LAMC2: variants seen among roughly 807,000 people sequenced by gnomAD.
LAMC2 encodes the protein laminin subunit gamma-2.
Under a neutral mutation model 140.2 loss-of-function variants are expected in LAMC2, and 97 were observed. That is an observed-to-expected ratio of 0.69 (90% CI 0.59 to 0.82). The LOEUF is 0.82. Among genes scored for constraint, LAMC2 ranks in the 40% least tolerant of loss-of-function variants. LAMC2 has a pLI of 0.00. For missense variants in LAMC2, 1,402 were observed against 1,476.1 expected, an observed-to-expected ratio of 0.95 and a Z score of 0.82; for synonymous variants, 513 against 540.2, an observed-to-expected ratio of 0.95 and a Z score of 0.70.
At chr1:183,193,550 T>C (rs746618629) in intron 1 of LAMC2, among the ~76,000 whole-genome samples, 1 of 152,224 alleles carries the variant, frequency 6.6e-6, no homozygotes, top group Non-Finnish European at 1.5e-5. Context: ...ATTTTGCTCT[T>C]GGTAAAAGGA....
chr1:183,216,609 C>CGAA (rs1659265837), intron 3 of LAMC2, among the ~76,000 whole-genome samples: 1 of 152,144 alleles, frequency 6.6e-6, no homozygotes, highest in African/African-American at 2.4e-5. Context: ...CTGCCTTCCC[C>CGAA]GAAGCCGTGC....
In LAMC2 at chr1:183,240,373, G is replaced by A. The variant is rs199948334; in HGVS notation, c.3310G>A (p.Gly1104Ser). The change falls in exon 22 of 23, where the codon GGC (glycine) becomes AGC (serine). Residue 1104 changes from glycine (G) to serine (S), a missense_variant. Physicochemically the swap from Gly to Ser is moderately conservative, Grantham distance 56. Around this residue, in one of 3 missense-constraint regions of LAMC2, gnomAD observed 670 missense variants for 667.2 expected, o/e 1.00. Transcript: ENST00000264144. ...CCAAGACACACTCAACACATTAGAC[G>A]GCCTCCTGCATCTGATGGGTATGTG... ...TIQDTLNTLD[G>S]LLHLMDQPLS... The A allele has an allele frequency of 4.3e-5, 70 of 1,614,032 alleles. No individual in the cohort carries two copies. Among genetic ancestry groups the A allele is most frequent in the Admixed American group, 6.7e-5 (4 of 59,982 alleles).
chr1:183,257,603 T>A, the LAMC2 span, among the ~76,000 whole-genome samples: 8 of 152,228 alleles, frequency 5.3e-5, no homozygotes, highest in Non-Finnish European at 1.2e-4. Context: ...CTTGCCAGAT[T>A]ATCTTTTTAA....
intron 1 of LAMC2, among the ~76,000 whole-genome samples, chr1:183,194,461 CA>C (rs931550935): frequency 1.6e-4 from 24 of 151,138 alleles, no homozygotes; most frequent in African/African-American, 5.6e-4. Context: ...TCTCCTTGTA[CA>C]AAAAAAGTAT....
chr1:183,207,837 T>TTTTG, intron 1 of LAMC2, 44 bp from the exon 2 acceptor site: 3 of 1,247,010 alleles, frequency 2.4e-6, no homozygotes, highest in African/African-American at 1.5e-5. Flanking sequence ...CCTGAGGTGT[T>TTTTG]TTTTTTTTTT....
At chr1:183,234,346 C>A (rs1440928476) in intron 14 of LAMC2, 21 bp from the exon 15 acceptor site, 1 of 1,602,968 alleles carries the variant, frequency 6.2e-7, no homozygotes, top group Non-Finnish European at 8.5e-7. Context: ...TTCGCCTTAA[C>A]CGATTCTCCT....
At chr1:183,237,937 A>C (rs1021001001) in intron 18 of LAMC2, among the ~76,000 whole-genome samples, 2 of 152,156 alleles carry the variant, frequency 1.3e-5, no homozygotes, top group African/African-American at 4.8e-5. Flanking sequence ...ACAGTTGCAG[A>C]GATCTTGGTG....
chr1:183,237,482 A>G lies in LAMC2; in HGVS notation c.2732A>G (p.Gln911Arg), dbSNP rs754473540. The G allele has an allele frequency of 1.9e-6, 3 of 1,614,064 alleles. No individual in the cohort carries two copies. The highest frequency in any genetic ancestry group is 3.3e-5 in the Admixed American group (2 of 60,004). Residue 911 changes from glutamine (Q) to arginine (R), a missense_variant, in exon 18 of 23, where the codon CAG becomes CGG. Physicochemically the swap from Gln to Arg is conservative, Grantham distance 43. Around this residue, in one of 3 missense-constraint regions of LAMC2, gnomAD observed 670 missense variants for 667.2 expected, o/e 1.00. Coordinates refer to ENST00000264144, the MANE Select transcript of LAMC2 (RefSeq NM_005562.3). ...AAAGAAGAAGCACAGCAGCTCTTAC[A>G]GAATGGAAAAAGTGGGAGAGAGGTA... is the stretch of plus-strand genomic sequence containing the variant. The part of the protein sequence containing the change: ...NWKEEAQQLL[Q>R]NGKSGREKSD...
In LAMC2 at chr1:183,232,184, C is replaced by T; in HGVS notation, c.1858-3C>T. 2 of 1,613,628 alleles carry T rather than the reference C, an allele frequency of 1.2e-6. No individual in the cohort carries two copies. The highest frequency in any genetic ancestry group is 1.7e-5 in the Admixed American group (1 of 60,026). On this transcript the variant is annotated splice_region_variant and splice_polypyrimidine_tract_variant and intron_variant, in intron 12 of 22. Transcript: ENST00000264144. Reference sequence around the variant, plus strand: ...CGTTCTGATCTTTCCTGTGTGGTTTCAGATGGATCAGTTTATGCAGCAGCT... The same window carrying T: ...CGTTCTGATCTTTCCTGTGTGGTTTTAGATGGATCAGTTTATGCAGCAGCT...
chr1:183,225,223 T>C (rs1212233666), intron 7 of LAMC2, among the ~76,000 whole-genome samples: 1 of 152,002 alleles, frequency 6.6e-6, no homozygotes, highest in Non-Finnish European at 1.5e-5. Flanking sequence ...AAATAAATGA[T>C]TTTTTTTAAA....
the LAMC2 span, among the ~76,000 whole-genome samples, chr1:183,255,113 C>T: frequency 6.6e-6 from 1 of 152,180 alleles, no homozygotes; most frequent in Non-Finnish European, 1.5e-5. Flanking sequence ...AGATAAGGTC[C>T]AATTTCATTC....
chr1:183,186,999 A>G (rs917973225), intron 1 of LAMC2, among the ~76,000 whole-genome samples: 1 of 152,174 alleles, frequency 6.6e-6, no homozygotes, highest in African/African-American at 2.4e-5. Flanking sequence ...GTCATATATC[A>G]TTTGATCTTA....
chr1:183,198,936 C>T (rs1302050177), intron 1 of LAMC2, among the ~76,000 whole-genome samples: 1 of 152,112 alleles, frequency 6.6e-6, no homozygotes, highest in Non-Finnish European at 1.5e-5. Flanking sequence ...TCTTTCTGTT[C>T]CCATCTCACC....
intron 4 of LAMC2, among the ~76,000 whole-genome samples, chr1:183,219,976 T>A (rs992943694): frequency 1.3e-4 from 20 of 152,216 alleles, no homozygotes; most frequent in Non-Finnish European, 1.9e-4. Flanking sequence ...CAATTCCTCA[T>A]AGGGTTGGAG....
chr1:183,205,802 G>GGT (rs3064949), intron 1 of LAMC2, among the ~76,000 whole-genome samples: 44,633 of 150,712 alleles, frequency 0.3, 7,805 homozygotes, highest in East Asian at 0.4. Context: ...AGAGAGTAGG[G>GGT]GTGTGTGTGT....
rs1659440173 is a variant in LAMC2, at chr1:183,220,719, T to C, written c.504-106T>C. ...GGTATTTCCCTCCTCTGAAAATTAA[T>C]AGGGCCAAATGGAAGAGAAGGTAGA... On this transcript the variant is annotated intron_variant, in intron 4 of 22. Coordinates refer to ENST00000264144, the MANE Select transcript of LAMC2 (RefSeq NM_005562.3). 9 of 1,194,954 alleles carry C rather than the reference T, an allele frequency of 7.5e-6. No homozygotes were observed. In the Admixed American group the frequency reaches 8.0e-5, roughly 11 times the overall value. 74.0% of individuals were successfully genotyped at this position (1,194,954 alleles called of 1,614,324 possible). A position where few individuals can be genotyped will look rare whatever the true frequency, so the allele number is the denominator to read the frequency against.
the LAMC2 span, chr1:183,252,712 C>A: frequency 6.2e-7 from 1 of 1,614,072 alleles, no homozygotes. Flanking sequence ...AGGTAATCCA[C>A]AACATGGCCG....
At chr1:183,235,360 G>A (rs1659921040) in intron 15 of LAMC2, among the ~76,000 whole-genome samples, 2 of 152,194 alleles carry the variant, frequency 1.3e-5, no homozygotes, top group East Asian at 3.8e-4. Context: ...GCCATAAACG[G>A]AAAAGATCAC....
intron 3 of LAMC2, among the ~76,000 whole-genome samples, chr1:183,217,766 G>T (rs1332650006): frequency 6.6e-6 from 1 of 152,136 alleles, no homozygotes; most frequent in Non-Finnish European, 1.5e-5. Flanking sequence ...GTGGCAGGGT[G>T]GGGGACACAA....
Sources: allele counts gnomAD v4.1 joint callset (sites outside exome capture counted in the v4.1 genomes callset), GRCh38; gene constraint gnomAD v4.1.1; regional missense constraint gnomAD v4.1.1; transcripts MANE v1.5; gene names NCBI Gene and HGNC (gene_info 2026-07-23, HGNC 2026-07-21).